The following ERBB4 variants were observed in gnomAD, a reference collection of about 807,000 sequenced individuals.
ERBB4 encodes receptor tyrosine-protein kinase erbB-4.
A neutral mutation model predicts 158.0 loss-of-function variants in ERBB4; 42 were observed. That is an observed-to-expected ratio of 0.27 (90% confidence interval 0.21 to 0.34). The LOEUF is 0.34. Among genes scored for constraint, ERBB4 ranks in the 10% least tolerant of loss-of-function variants. ERBB4 has a pLI of 1.00. For synonymous variants in ERBB4, 583 were observed against 558.7 expected (o/e 1.04, Z -0.61); for missense variants, 1,333 against 1,624.1 (o/e 0.82, Z 3.08).
At chr2:211,704,929 AT>A (rs2073381175) in intron 10 of ERBB4, among the ~76,000 whole-genome samples, 1 of 152,008 alleles carries the variant, frequency 6.6e-6, no homozygotes, top group African/African-American at 2.4e-5. Context: ...TTCCAATCTT[AT>A]GTAACTTTTT....
At chr2:211,959,873 G>A (rs778448366) in intron 2 of ERBB4, among the ~76,000 whole-genome samples, 17 of 152,116 alleles carry the variant, frequency 1.1e-4, no homozygotes, top group Non-Finnish European at 1.6e-4. Flanking sequence ...AGACAAACAT[G>A]GAAAGGAGCA....
intron 1 of ERBB4, among the ~76,000 whole-genome samples, chr2:212,210,647 G>T (rs1301536784): frequency 6.6e-6 from 1 of 152,024 alleles, no homozygotes; most frequent in African/African-American, 2.4e-5. Context: ...TGAAATTTTG[G>T]TGTCATTTTG....
intron 19 of ERBB4, among the ~76,000 whole-genome samples, chr2:211,612,163 A>G (rs534799189): frequency 6.6e-6 from 1 of 152,252 alleles, no homozygotes; most frequent in African/African-American, 2.4e-5. Flanking sequence ...AACAATTGGG[A>G]AAAATATCAC....
At chr2:211,842,852 G>A (rs756099004) in intron 3 of ERBB4, among the ~76,000 whole-genome samples, 3 of 152,070 alleles carry the variant, frequency 2.0e-5, no homozygotes, top group Non-Finnish European at 4.4e-5. Context: ...CTATAACAGT[G>A]CTTGGCCGGT....
chr2:211,792,370 T>C (rs1016868161), intron 3 of ERBB4, among the ~76,000 whole-genome samples: 3 of 151,620 alleles, frequency 2.0e-5, no homozygotes, highest in Admixed American at 2.0e-4. Context: ...CAGAATATCT[T>C]GAATTTAAGA....
rs77959765 is a variant in ERBB4, at chr2:212,417,370, T to C, written c.82+121079A>G. On this transcript the variant is annotated intron_variant, in intron 1 of 27. Transcript: ENST00000342788. ...AGTGATCAGAAAGAGAAAAAGTAAC[T>C]ACACATTGAGTATTCCTAATCCAAA... Among the ~76,000 whole-genome samples the C allele has an allele frequency of 3.4e-3, 516 of 152,092 alleles. 3 individuals carry two copies. The highest frequency in any genetic ancestry group is 0.012 in the African/African-American group (487 of 41,556).
intron 2 of ERBB4, among the ~76,000 whole-genome samples, chr2:212,017,663 G>C (rs983398392): frequency 1.3e-5 from 2 of 152,000 alleles, no homozygotes; most frequent in Admixed American, 6.6e-5. Context: ...TTGCACATCA[G>C]CCAAGACTCT....
chr2:212,079,942 T>C (rs56993927), intron 2 of ERBB4, among the ~76,000 whole-genome samples: 20,266 of 152,046 alleles, frequency 0.13, 1,735 homozygotes, highest in Non-Finnish European at 0.19. Flanking sequence ...TCATTAACTG[T>C]TGTTCTAAAT....
chr2:211,694,663 C>T lies in ERBB4; in HGVS notation c.1489+7304G>A, dbSNP rs138331270. ...TAAGATTTTCTATTTTCTGATTACTCAGAAGAATAGCGACTTCACTATATT... is the reference window on the plus strand; with the variant it reads ...TAAGATTTTCTATTTTCTGATTACTTAGAAGAATAGCGACTTCACTATATT... On this transcript the variant is annotated intron_variant, in intron 12 of 27. Coordinates refer to ENST00000342788, the MANE Select transcript of ERBB4 (RefSeq NM_005235.3). 4.1e-3 allele frequency among the ~76,000 whole-genome samples: 625 copies of T among 151,758 alleles called. 1 individual carries two copies. Among genetic ancestry groups the T allele is most frequent in the African/African-American group, 0.014 (596 of 41,390 alleles).
At chr2:211,832,599 CGTGT>C (rs1264072210) in intron 3 of ERBB4, among the ~76,000 whole-genome samples, 1 of 149,210 alleles carries the variant, frequency 6.7e-6, no homozygotes, top group Non-Finnish European at 1.5e-5. Context: ...TACACATAAA[CGTGT>C]GTGTGTATAT....
intron 20 of ERBB4, among the ~76,000 whole-genome samples, chr2:211,483,920 T>C (rs1036861720): frequency 2.6e-5 from 4 of 151,958 alleles, no homozygotes; most frequent in African/African-American, 9.7e-5. Flanking sequence ...ATTTAAAGTA[T>C]GGAAAGAAAA....
Position 212,345,921 on chromosome 2 carries a change from C to T in ERBB4, c.82+192528G>A, listed in dbSNP as rs73987378. Among the ~76,000 whole-genome samples the T allele has an allele frequency of 6.8e-3, 1,034 of 151,740 alleles. 15 individuals carry two copies. Among genetic ancestry groups the T allele is most frequent in the African/African-American group, 0.023 (969 of 41,360 alleles). On this transcript the variant is annotated intron_variant, in intron 1 of 27. Transcript: ENST00000342788. ...GGTCAGAAAATATATTTGAATTCTCCGAAAAAGATAGAGAGATAAATACAA... is the reference window on the plus strand; with the variant it reads ...GGTCAGAAAATATATTTGAATTCTCTGAAAAAGATAGAGAGATAAATACAA...
intron 1 of ERBB4, among the ~76,000 whole-genome samples, chr2:212,275,678 C>A (rs764911463): frequency 6.6e-6 from 1 of 151,732 alleles, no homozygotes; most frequent in Non-Finnish European, 1.5e-5. Context: ...CTGAAGGAAG[C>A]ACTAAATATG....
chr2:211,696,094 CTCTCTTTCTTTCTCTTTA>C (rs945389957), intron 12 of ERBB4, among the ~76,000 whole-genome samples: 9 of 132,014 alleles, frequency 6.8e-5, no homozygotes, highest in Non-Finnish European at 1.1e-4. Context: ...TTCTTCCTCT[CTCTCTTTCTTTCTCTTTA>C]TCTCTTTCTT....
chr2:211,677,098 G>C (rs916273873), intron 13 of ERBB4, among the ~76,000 whole-genome samples: 4 of 151,950 alleles, frequency 2.6e-5, no homozygotes, highest in African/African-American at 9.7e-5. Flanking sequence ...GATGGAATTG[G>C]TTTTGGACAT....
At chr2:211,814,268 T>C (rs935659610) in intron 3 of ERBB4, among the ~76,000 whole-genome samples, 4 of 152,244 alleles carry the variant, frequency 2.6e-5, no homozygotes. Context: ...ATCAGAAAAA[T>C]GTGTAACTTT....
chr2:212,290,569 A>G (rs2086167294), intron 1 of ERBB4, among the ~76,000 whole-genome samples: 1 of 152,180 alleles, frequency 6.6e-6, no homozygotes, highest in Non-Finnish European at 1.5e-5. Flanking sequence ...TTCTAGTGGG[A>G]CAAGATCTCT....
intron 3 of ERBB4, among the ~76,000 whole-genome samples, chr2:211,934,845 C>T (rs1475697209): frequency 6.8e-6 from 1 of 146,382 alleles, no homozygotes. Context: ...ATAATTTAAT[C>T]GAATTATACA....
At chr2:212,385,521 T>C (rs1049812413) in intron 1 of ERBB4, among the ~76,000 whole-genome samples, 2 of 151,868 alleles carry the variant, frequency 1.3e-5, no homozygotes, top group Non-Finnish European at 2.9e-5. Context: ...AGCAACTCTC[T>C]TCTTGATATA....
Sources: gnomAD v4.1 joint callset for allele counts (sites outside exome capture counted in the v4.1 genomes callset) on GRCh38, gnomAD v4.1.1 for gene constraint, MANE v1.5 for transcripts, NCBI Gene and HGNC (gene_info 2026-07-23, HGNC 2026-07-21) for gene names.